Variants in TULP4 observed in about 807,000 individuals in gnomAD.
TULP4 encodes the protein tubby-related protein 4.
Under a neutral mutation model 129.0 loss-of-function variants are expected in TULP4, and 16 were observed. The ratio of observed to expected loss-of-function variants is 0.12; its 90% CI spans 0.08 to 0.19. The LOEUF is 0.19. Among genes scored for constraint, TULP4 ranks in the 10% least tolerant of loss-of-function variants. The pLI is 1.00. For synonymous variants in TULP4, 998 were observed against 854.0 expected, an observed-to-expected ratio of 1.17 and a Z score of -2.94; for missense variants, 1,842 against 2,059.1, an observed-to-expected ratio of 0.89 and a Z score of 2.04.
At chr6:158,492,716 C>T (rs774331784) in intron 9 of TULP4, among the ~76,000 whole-genome samples, 2 of 152,172 alleles carry the variant, frequency 1.3e-5, no homozygotes, top group African/African-American at 4.8e-5. Flanking sequence ...TCCCACTCCT[C>T]AGGAGCCCAG....
intron 8 of TULP4, among the ~76,000 whole-genome samples, chr6:158,484,667 A>G (rs1047816361): frequency 6.6e-6 from 1 of 152,174 alleles, no homozygotes; most frequent in Non-Finnish European, 1.5e-5. Context: ...ACGTGCACCA[A>G]GGAGAGGACA....
chr6:158,315,143 G>T (rs1020960130), intron 1 of TULP4, among the ~76,000 whole-genome samples: 1 of 152,158 alleles, frequency 6.6e-6, no homozygotes, highest in Admixed American at 6.5e-5. Context: ...TAAAGGAGCA[G>T]GAATTTTTTC....
At chr6:158,430,519 G>A (rs1355499941) in intron 3 of TULP4, among the ~76,000 whole-genome samples, 2 of 152,132 alleles carry the variant, frequency 1.3e-5, no homozygotes, top group African/African-American at 4.8e-5. Flanking sequence ...GAGGCGGGTG[G>A]ATCACCTAAG....
chr6:158,491,127 G>A (rs554898657), intron 9 of TULP4, among the ~76,000 whole-genome samples: 16 of 152,278 alleles, frequency 1.1e-4, no homozygotes, highest in Non-Finnish European at 2.1e-4. Context: ...CCGCACCCAC[G>A]TAAATCCCTA....
intron 1 of TULP4, among the ~76,000 whole-genome samples, chr6:158,342,963 G>GTGTGTGTGTGTGTA (rs1358094515): frequency 2.0e-5 from 3 of 148,964 alleles, no homozygotes; most frequent in African/African-American, 7.4e-5. Context: ...GTGTGTGTGT[G>GTGTGTGTGTGTGTA]TGTGTGTGTG....
chr6:158,383,042 TCATAAGAAG>T (rs1244722903), intron 1 of TULP4, among the ~76,000 whole-genome samples: 1 of 152,162 alleles, frequency 6.6e-6, no homozygotes, highest in Admixed American at 6.5e-5. Context: ...TAGCCGTGGG[TCATAAGAAG>T]CATTTGCTGG....
intron 3 of TULP4, among the ~76,000 whole-genome samples, chr6:158,448,400 C>A (rs548178040): frequency 4.5e-4 from 68 of 152,238 alleles, no homozygotes; most frequent in Middle Eastern, 3.4e-3. Flanking sequence ...TATTTTAATA[C>A]CATGACTACA....
Position 158,474,522 on chromosome 6 carries a change from A to G in TULP4, c.1027-5229A>G, listed in dbSNP as rs142612825. Among the ~76,000 whole-genome samples the G allele has an allele frequency of 9.9e-4, 151 of 152,314 alleles. 2 individuals are homozygous for G. The East Asian group carries it at 0.02, about 20-fold the overall frequency. ...ATTAAATAGATTTCTCCTCTCAGCC[A>G]GGCCTCTGCTCAAACCACCTCCAGG... is the stretch of plus-strand genomic sequence containing the variant. On this transcript the variant is annotated intron_variant, in intron 6 of 13. Coordinates refer to ENST00000367097, the MANE Select transcript of TULP4 (RefSeq NM_020245.5).
At chr6:158,310,016 T>C (rs979517770), upstream of TULP4, among the ~76,000 whole-genome samples, 5 of 152,186 alleles carry the variant, frequency 3.3e-5, no homozygotes, top group African/African-American at 1.2e-4. Context: ...ACTTTGTTCA[T>C]GTTCAAGAAA....
chr6:158,444,044 C>T (rs1473191955), intron 3 of TULP4, among the ~76,000 whole-genome samples: 1 of 151,108 alleles, frequency 6.6e-6, no homozygotes. Context: ...ACGGTGAAAC[C>T]CCGTCTCTAC....
At chr6:158,409,981 G>A (rs372158678) in intron 1 of TULP4, among the ~76,000 whole-genome samples, 2 of 151,914 alleles carry the variant, frequency 1.3e-5, no homozygotes, top group Admixed American at 1.3e-4. Flanking sequence ...TCAGCCTCCC[G>A]AGTAGCTGGG....
chr6:158,356,010 A>G (rs1390038994), intron 1 of TULP4, among the ~76,000 whole-genome samples: 2 of 152,212 alleles, frequency 1.3e-5, no homozygotes, highest in Non-Finnish European at 2.9e-5. Context: ...TTTTGGGGTG[A>G]GAAATCTTGA....
chr6:158,396,224 T>C (rs1777712022), intron 1 of TULP4, among the ~76,000 whole-genome samples: 1 of 152,206 alleles, frequency 6.6e-6, no homozygotes. Context: ...TTGTATTTCC[T>C]CTCCCCAACC....
At chr6:158,407,961 G>A (rs1000536557) in intron 1 of TULP4, among the ~76,000 whole-genome samples, 2 of 152,320 alleles carry the variant, frequency 1.3e-5, no homozygotes, top group African/African-American at 2.4e-5. Context: ...CTGACAATGG[G>A]TGAATTACAT....
chr6:158,406,445 A>G lies in TULP4; in HGVS notation c.253-6620A>G, dbSNP rs191935331. Among the ~76,000 whole-genome samples the G allele has an allele frequency of 1.9e-4, 29 of 152,322 alleles. No homozygotes were observed. In the East Asian group the frequency reaches 5.6e-3, roughly 29 times the overall value. On this transcript the variant is annotated intron_variant, in intron 1 of 13. Coordinates refer to ENST00000367097, the MANE Select transcript of TULP4 (RefSeq NM_020245.5). ...TCAAAGTGATTTGCAACCTCAATGA[A>G]TAGTGCATGTGATTGAACATACTTT...
At chr6:158,281,795 C>T (rs1408155715), upstream of TULP4, among the ~76,000 whole-genome samples, 1 of 152,144 alleles carries the variant, frequency 6.6e-6, no homozygotes, top group African/African-American at 2.4e-5. Flanking sequence ...ATTGTAAACC[C>T]TGTTTTTACA....
In TULP4 at chr6:158,429,834, G is replaced by C; in HGVS notation, c.480G>C (p.Trp160Cys). ...GGTCTGTCAGTGGACAAAGACACTG[G>C]TCATCCGAAATCAACTTGGAAAGTC... ...LVGSVSGQRH[W>C]SSEINLESQI... The change falls in exon 3 of 14, where the codon TGG (tryptophan) becomes TGC (cysteine). Residue 160 changes from tryptophan (W) to cysteine (C), a missense_variant. Coordinates refer to ENST00000367097, the MANE Select transcript of TULP4 (RefSeq NM_020245.5). The C allele has an allele frequency of 6.2e-7, 1 of 1,614,110 alleles. No homozygotes were observed. Among genetic ancestry groups the C allele is most frequent in the East Asian group, 2.2e-5 (1 of 44,870 alleles).
At chr6:158,456,589 T>G (rs1362653969) in intron 5 of TULP4, among the ~76,000 whole-genome samples, 2 of 152,184 alleles carry the variant, frequency 1.3e-5, no homozygotes, top group East Asian at 3.9e-4. Context: ...ATCCCAGCAC[T>G]TTGGGAGGCT....
At chr6:158,394,247 A>G (rs1210064475) in intron 1 of TULP4, among the ~76,000 whole-genome samples, 1 of 152,114 alleles carries the variant, frequency 6.6e-6, no homozygotes, top group Non-Finnish European at 1.5e-5. Context: ...ATCTGAGACA[A>G]CCTCAGCCTG....
Sources: allele counts gnomAD v4.1 joint callset (sites outside exome capture counted in the v4.1 genomes callset), GRCh38; gene constraint gnomAD v4.1.1; transcripts MANE v1.5; gene names NCBI Gene and HGNC (gene_info 2026-07-23, HGNC 2026-07-21).